The following MYLK4 variants were observed in gnomAD, a reference collection of about 807,000 sequenced individuals.
The protein encoded by MYLK4 is myosin light chain kinase family member 4, also known as caMLCK like.
MYLK4 carries 46 observed loss-of-function variants against 48.1 expected under a neutral mutation model. That is an observed-to-expected ratio of 0.96 (90% CI 0.75 to 1.22). MYLK4 has a LOEUF of 1.22. MYLK4 is among the 50% of genes most tolerant of loss of function. The pLI is 0.00. For missense variants in MYLK4, 451 were observed against 486.1 expected, an observed-to-expected ratio of 0.93 and a Z score of 0.68; for synonymous variants, 170 against 180.8, an observed-to-expected ratio of 0.94 and a Z score of 0.48.
At chr6:2,694,730 T>G (rs951870432) in intron 2 of MYLK4, among the ~76,000 whole-genome samples, 3 of 151,848 alleles carry the variant, frequency 2.0e-5, no homozygotes, top group African/African-American at 4.8e-5. Flanking sequence ...GCACTTTGTT[T>G]AACTGGTTGC....
intron 3 of MYLK4, among the ~76,000 whole-genome samples, chr6:2,689,998 A>G (rs1257314003): frequency 6.6e-6 from 1 of 152,184 alleles, no homozygotes; most frequent in Non-Finnish European, 1.5e-5. Context: ...ACTGTTTCAG[A>G]TTAATAGAGG....
At chr6:2,701,658 C>T (rs1762283979) in intron 2 of MYLK4, among the ~76,000 whole-genome samples, 1 of 152,184 alleles carries the variant, frequency 6.6e-6, no homozygotes, top group Non-Finnish European at 1.5e-5. Context: ...AAAAACTAAT[C>T]AGTTATGACT....
rs1477073225 is a variant in MYLK4, at chr6:2,671,365, G to C, written c.1120-17C>G. The C allele has an allele frequency of 1.9e-6, 3 of 1,612,804 alleles. No individual in the cohort carries two copies. The highest frequency in any genetic ancestry group is 2.2e-5 in the East Asian group (1 of 44,872). ...CTTCTTCTTCTAGGGAAAGCAGAAG[G>C]CATATGGGAAGGATTAGGACTGTTT... On this transcript the variant is annotated splice_polypyrimidine_tract_variant and intron_variant, in intron 11 of 12. Transcript: ENST00000274643.
At chr6:2,704,274 C>T (rs981226134) in intron 2 of MYLK4, among the ~76,000 whole-genome samples, 5 of 152,182 alleles carry the variant, frequency 3.3e-5, no homozygotes, top group Admixed American at 1.3e-4. Flanking sequence ...ATTACATCCT[C>T]CTCAGCATCA....
upstream of MYLK4, among the ~76,000 whole-genome samples, chr6:2,755,849 C>A (rs1415318890): frequency 1.3e-5 from 2 of 152,136 alleles, no homozygotes; most frequent in Non-Finnish European, 2.9e-5. Context: ...TGTCTTCATG[C>A]TTGGAACCAG....
chr6:2,666,072 G>A lies in MYLK4; in HGVS notation c.*1853C>T, dbSNP rs1455213971. On this transcript the variant is annotated 3_prime_UTR_variant, in exon 13 of 13. Transcript: ENST00000274643. The stretch of plus-strand genomic sequence containing the variant: ...ATGTAAGAGCAAAGGCTGGAAAGGA[G>A]TCAGTTTTATAACTAACACGACCAC... 2.0e-5 allele frequency: 3 copies of A among 152,200 alleles called. No homozygotes were observed. Among genetic ancestry groups the A allele is most frequent in the Non-Finnish European group, 4.4e-5 (3 of 68,040 alleles). The allele number at this position is 152,200 out of a possible 1,614,324, so 9.4% of individuals were successfully genotyped here.
At chr6:2,722,815 A>G (rs1763117289) in intron 2 of MYLK4, among the ~76,000 whole-genome samples, 1 of 152,148 alleles carries the variant, frequency 6.6e-6, no homozygotes, top group Non-Finnish European at 1.5e-5. Context: ...TAAATGGATA[A>G]CGAATATAAA....
At chr6:2,763,797 G>A in the MYLK4 span, among the ~76,000 whole-genome samples, 1 of 152,100 alleles carries the variant, frequency 6.6e-6, no homozygotes. Flanking sequence ...AGCGAGCGAG[G>A]ACTGAGAGGG....
the MYLK4 span, chr6:2,766,101 C>T: frequency 1.4e-5 from 19 of 1,316,658 alleles, no homozygotes; most frequent in South Asian, 2.2e-5. Context: ...TGGGACGAGG[C>T]GGAGGCGCAG....
chr6:2,763,936 C>G, the MYLK4 span, among the ~76,000 whole-genome samples: 1 of 152,060 alleles, frequency 6.6e-6, no homozygotes, highest in Non-Finnish European at 1.5e-5. Context: ...CACCTGAGGT[C>G]GGGAGTTCGA....
At chr6:2,683,394 TG>T (rs1561836833) in intron 6 of MYLK4, among the ~76,000 whole-genome samples, 1,977 of 78,220 alleles carry the variant, frequency 0.025, 74 homozygotes, top group African/African-American at 0.052. Flanking sequence ...CACCTTTTTG[TG>T]TGTGTGTGTG....
At chr6:2,767,988 G>T in the MYLK4 span, among the ~76,000 whole-genome samples, 1 of 152,196 alleles carries the variant, frequency 6.6e-6, no homozygotes, top group Non-Finnish European at 1.5e-5. Flanking sequence ...TCATTAAACA[G>T]TCTTCAGTTT....
intron 2 of MYLK4, among the ~76,000 whole-genome samples, chr6:2,695,049 T>G (rs1762011000): frequency 6.6e-6 from 1 of 152,176 alleles, no homozygotes; most frequent in African/African-American, 2.4e-5. Flanking sequence ...AGTGAAGAGA[T>G]AAATATTTGT....
At chr6:2,765,518 G>T in the MYLK4 span, 161 of 1,285,420 alleles carry the variant, frequency 1.3e-4, no homozygotes, top group Non-Finnish European at 1.5e-4. Flanking sequence ...CTGGTTCCCC[G>T]AGCGAGGGTC....
rs772825765 is a variant in MYLK4 at position 2,680,221 on chromosome 6, C to T, written c.758G>A (p.Arg253Lys). The T allele has an allele frequency of 4.3e-6, 7 of 1,614,008 alleles. No homozygotes were observed. The highest frequency in any genetic ancestry group is 1.3e-5 in the African/African-American group (1 of 74,910). Residue 253 changes from arginine (R) to lysine (K), a missense_variant and splice_region_variant, in exon 8 of 13, where the codon AGA becomes AAA. Physicochemically the swap from Arg to Lys is conservative, Grantham distance 26 (BLOSUM62 2). Transcript: ENST00000274643. ...TACACCTATGTCCAAATAGACATACCTTCTGGCCAATCCAAAATCAATAAT... is the reference window on the plus strand; with the variant it reads ...TACACCTATGTCCAAATAGACATACTTTCTGGCCAATCCAAAATCAATAAT... ...IKIIDFGLAR[R>K]YKPREKLKVN...
intron 2 of MYLK4, among the ~76,000 whole-genome samples, chr6:2,722,235 T>G (rs1047911110): frequency 2.6e-5 from 4 of 152,190 alleles, no homozygotes; most frequent in African/African-American, 9.7e-5. Context: ...TCTGAAGGCA[T>G]GTAGAAAGGA....
chr6:2,742,171 T>C (rs1763919451), intron 2 of MYLK4, among the ~76,000 whole-genome samples: 1 of 152,226 alleles, frequency 6.6e-6, no homozygotes, highest in Non-Finnish European at 1.5e-5. Context: ...CATTCCAAGA[T>C]TGGGCAATTC....
At chr6:2,680,619 C>G in intron 7 of MYLK4, 3 of 945,848 alleles carry the variant, frequency 3.2e-6, no homozygotes, top group African/African-American at 3.5e-5. Flanking sequence ...CCCGCTCAGG[C>G]CTGACATCTG....
chr6:2,765,882 C>T, the MYLK4 span: 35 of 1,449,944 alleles, frequency 2.4e-5, no homozygotes, highest in Middle Eastern at 2.4e-4. Context: ...GCCACCCCGA[C>T]GGCAGCCGAG....
Sources: gnomAD v4.1 joint callset for allele counts (sites outside exome capture counted in the v4.1 genomes callset) on GRCh38, gnomAD v4.1.1 for gene constraint, MANE v1.5 for transcripts, NCBI Gene and HGNC (gene_info 2026-07-23, HGNC 2026-07-21) for gene names.